The following GPC5 variants were observed in gnomAD, a reference collection of about 807,000 sequenced individuals.
GPC5 encodes the protein glypican-5.
GPC5 carries 47 observed loss-of-function variants against 53.9 expected under a neutral mutation model. The observed-to-expected ratio is 0.87, with a 90% CI of 0.69 to 1.11. The LOEUF (loss-of-function observed/expected upper bound fraction) is 1.11, where lower values mean the gene tolerates loss of function less well. Among genes scored for constraint, GPC5 ranks in the 50% most tolerant of loss-of-function variants. GPC5 has a pLI of 0.00. For synonymous variants in GPC5, 286 were observed against 263.3 expected (o/e 1.09, Z -0.84); for missense variants, 748 against 713.1 (o/e 1.05, Z -0.56).
At chr13:92,743,172 G>A (rs1196691658) in intron 7 of GPC5, among the ~76,000 whole-genome samples, 3 of 151,726 alleles carry the variant, frequency 2.0e-5, no homozygotes, top group East Asian at 1.9e-4. Context: ...AAATTACCTA[G>A]GGCAGTATGG....
At chr13:91,499,877 A>G (rs775518364) in intron 2 of GPC5, among the ~76,000 whole-genome samples, 1 of 152,240 alleles carries the variant, frequency 6.6e-6, no homozygotes, top group Admixed American at 6.5e-5. Context: ...AAAATTGCCA[A>G]TGTGCAATAT....
At chr13:91,513,014 T>C (rs1475663761) in intron 2 of GPC5, among the ~76,000 whole-genome samples, 5 of 152,248 alleles carry the variant, frequency 3.3e-5, no homozygotes, top group African/African-American at 1.2e-4. Flanking sequence ...ATCATTGTTA[T>C]TATTTAAGCT....
chr13:91,597,978 A>G (rs1287338329), intron 2 of GPC5, among the ~76,000 whole-genome samples: 1 of 152,024 alleles, frequency 6.6e-6, no homozygotes, highest in Non-Finnish European at 1.5e-5. Flanking sequence ...CCACTGTTTC[A>G]CCCAGAACAC....
rs1231429091 is a variant in GPC5, at chr13:92,510,798, A to G, written c.1562-355484A>G. Among the ~76,000 whole-genome samples, 4 of 152,324 alleles carry G rather than the reference A, an allele frequency of 2.6e-5. No homozygotes were observed. In the East Asian group the frequency reaches 7.7e-4, roughly 29 times the overall value. On this transcript the variant is annotated intron_variant, in intron 7 of 7. Coordinates refer to ENST00000377067, the MANE Select transcript of GPC5 (RefSeq NM_004466.6). The stretch of plus-strand genomic sequence containing the variant: ...ACTTGTCTTAATTTCAGAGTGAGAC[A>G]TAAGTAAGGGTGATTAGATTGATAG...
chr13:91,865,633 A>G (rs2039075168), intron 5 of GPC5, among the ~76,000 whole-genome samples: 1 of 152,154 alleles, frequency 6.6e-6, no homozygotes, highest in Admixed American at 6.5e-5. Flanking sequence ...CACTTCAAAT[A>G]TCCCATGACC....
intron 7 of GPC5, among the ~76,000 whole-genome samples, chr13:92,294,688 A>G (rs917407578): frequency 2.0e-5 from 3 of 151,170 alleles, no homozygotes; most frequent in Admixed American, 6.6e-5. Flanking sequence ...GTTGCTTTCA[A>G]TTTCACTTAA....
intron 7 of GPC5, among the ~76,000 whole-genome samples, chr13:92,237,455 T>A (rs1220340871): frequency 1.3e-5 from 2 of 152,152 alleles, no homozygotes; most frequent in Non-Finnish European, 2.9e-5. Context: ...CTTGACCTCA[T>A]GATCTGCCTG....
At chr13:92,582,800 G>C (rs1006655782) in intron 7 of GPC5, among the ~76,000 whole-genome samples, 3 of 151,790 alleles carry the variant, frequency 2.0e-5, no homozygotes, top group East Asian at 1.9e-4. Flanking sequence ...ATAGTTCATT[G>C]TTACTGTAGA....
intron 2 of GPC5, among the ~76,000 whole-genome samples, chr13:91,503,294 A>G (rs1289113477): frequency 6.6e-6 from 1 of 152,158 alleles, no homozygotes; most frequent in Non-Finnish European, 1.5e-5. Flanking sequence ...TTGAACCAAC[A>G]AAAATGACTC....
chr13:91,756,309 GC>G lies in GPC5; in HGVS notation c.1171del (p.Leu391PhefsTer11), dbSNP rs778271177. 8.6e-5 allele frequency: 132 copies of G among 1,530,898 alleles called. No homozygotes were observed. The highest frequency in any genetic ancestry group is 1.1e-4 in the Non-Finnish European group (128 of 1,126,634). 94.8% of individuals were successfully genotyped at this position (1,530,898 alleles called of 1,614,324 possible). On this transcript the variant is annotated frameshift_variant, in exon 5 of 8. Coordinates refer to ENST00000377067, the MANE Select transcript of GPC5 (RefSeq NM_004466.6). LOFTEE classifies it high-confidence loss of function. ...LANRRKEFIN[S>X]LRLYRSFYGG... ...CTTTCATTTAGAGAATTTATCAACA[GC>G]CTTCGACTGTACAGGTCATTCTATG... is the stretch of plus-strand genomic sequence containing the variant.
At chr13:91,890,749 A>G (rs1484633389) in intron 5 of GPC5, among the ~76,000 whole-genome samples, 4 of 152,230 alleles carry the variant, frequency 2.6e-5, no homozygotes, top group African/African-American at 4.8e-5. Flanking sequence ...TTATAATCTC[A>G]GTTTGCATAA....
At chr13:91,912,939 TGTGG>T (rs1412050019) in intron 6 of GPC5, among the ~76,000 whole-genome samples, 1 of 152,094 alleles carries the variant, frequency 6.6e-6, no homozygotes, top group Non-Finnish European at 1.5e-5. Context: ...ATGTTAAATG[TGTGG>T]GTGGAAGCTT....
At chr13:92,312,191 G>A (rs949687876) in intron 7 of GPC5, among the ~76,000 whole-genome samples, 1 of 152,136 alleles carries the variant, frequency 6.6e-6, no homozygotes, top group African/African-American at 2.4e-5. Flanking sequence ...AGATTTTAAA[G>A]AATATGGATT....
intron 7 of GPC5, among the ~76,000 whole-genome samples, chr13:92,215,635 G>A (rs2042404247): frequency 6.6e-6 from 1 of 152,136 alleles, no homozygotes; most frequent in Non-Finnish European, 1.5e-5. Flanking sequence ...ATAAAATGAA[G>A]GCTTTACTGA....
Position 92,325,924 on chromosome 13 carries a change from G to A in GPC5, c.1561+180935G>A, listed in dbSNP as rs144655521. 3.6e-3 allele frequency among the ~76,000 whole-genome samples: 549 copies of A among 152,112 alleles called. 4 individuals carry two copies. Among genetic ancestry groups the A allele is most frequent in the African/African-American group, 0.013 (520 of 41,524 alleles). ...TGGATAGGTTCATTATCTTGATAGTGGTTATGGTTTCAGAAGTGTGTACGT... is the reference window on the plus strand; with the variant it reads ...TGGATAGGTTCATTATCTTGATAGTAGTTATGGTTTCAGAAGTGTGTACGT... On this transcript the variant is annotated intron_variant, in intron 7 of 7. Coordinates refer to ENST00000377067, the MANE Select transcript of GPC5 (RefSeq NM_004466.6).
At chr13:91,733,842 C>T (rs183291478) in intron 4 of GPC5, among the ~76,000 whole-genome samples, 12 of 152,088 alleles carry the variant, frequency 7.9e-5, no homozygotes, top group East Asian at 7.7e-4. Flanking sequence ...CTGATTGCCC[C>T]GGCCAGAACT....
In GPC5 at chr13:92,830,789, T is replaced by C. The variant is rs79671345; in HGVS notation, c.1562-35493T>C. On this transcript the variant is annotated intron_variant, in intron 7 of 7. Coordinates refer to ENST00000377067, the MANE Select transcript of GPC5 (RefSeq NM_004466.6). ...GTTAGGCTATGAAATAATAAGAAAT[T>C]TGAATTCTGCAAGTATCAACCGCAG... is the stretch of plus-strand genomic sequence containing the variant. Among the ~76,000 whole-genome samples the C allele has an allele frequency of 2.9e-3, 448 of 152,232 alleles. 3 individuals are homozygous for C. The highest frequency in any genetic ancestry group is 1.0e-2 in the African/African-American group (414 of 41,572).
At chr13:91,719,137 T>C (rs2036409745) in intron 3 of GPC5, among the ~76,000 whole-genome samples, 1 of 152,226 alleles carries the variant, frequency 6.6e-6, no homozygotes, top group Non-Finnish European at 1.5e-5. Flanking sequence ...ATGTCTATTT[T>C]GCAAATGTCA....
chr13:92,543,674 G>T (rs1882004238), intron 7 of GPC5, among the ~76,000 whole-genome samples: 1 of 152,074 alleles, frequency 6.6e-6, no homozygotes, highest in African/African-American at 2.4e-5. Context: ...TTACAGGAGA[G>T]AGTGCGCAGC....
Sources: allele counts gnomAD v4.1 joint callset (sites outside exome capture counted in the v4.1 genomes callset), GRCh38; gene constraint gnomAD v4.1.1; transcripts MANE v1.5; gene names NCBI Gene and HGNC (gene_info 2026-07-23, HGNC 2026-07-21).